The following SYNE1 variants were observed in gnomAD, a reference collection of about 807,000 sequenced individuals.
The protein encoded by SYNE1 is spectrin repeat containing nuclear envelope protein 1, also known as nesprin-1.
SYNE1 carries 616 observed loss-of-function variants against 1,111.0 expected under a neutral mutation model. That is an observed-to-expected ratio of 0.55 (90% confidence interval 0.52 to 0.59). The LOEUF (loss-of-function observed/expected upper bound fraction) is 0.59. SYNE1 is among the 20% of genes least tolerant of loss of function. The probability of loss-of-function intolerance (pLI) is 0.00; values close to 1 mark genes in which losing one functional copy is unlikely to be tolerated. For synonymous variants in SYNE1, 3,855 were observed against 3,825.8 expected, an observed-to-expected ratio of 1.01 and a Z score of -0.28; for missense variants, 10,006 against 10,417.0, an observed-to-expected ratio of 0.96 and a Z score of 1.72.
intron 122 of SYNE1, 108 bp downstream of exon 122, chr6:152,214,798 T>TCAACATTTCTGTTCTTTATAAATTA: frequency 6.8e-7 from 1 of 1,462,192 alleles, no homozygotes; most frequent in Non-Finnish European, 9.5e-7. Flanking sequence ...GTGAGACTGT[T>TCAACATTTCTGTTCTTTATAAATTA]CAACATTTCT....
chr6:152,323,177 G>A (rs965760431), intron 82 of SYNE1, among the ~76,000 whole-genome samples: 1 of 152,174 alleles, frequency 6.6e-6, no homozygotes, highest in African/African-American at 2.4e-5. Context: ...GGGGCCGGGC[G>A]CGGTGGCTCA....
At chr6:152,219,961 G>C (rs141424708) in intron 119 of SYNE1, among the ~76,000 whole-genome samples, 5 of 152,360 alleles carry the variant, frequency 3.3e-5, no homozygotes, top group African/African-American at 1.2e-4. Flanking sequence ...ACTTCTGTGA[G>C]AGAAAGAAGA....
chr6:152,466,928 A>G (rs2098772893), intron 16 of SYNE1, among the ~76,000 whole-genome samples: 1 of 152,154 alleles, frequency 6.6e-6, no homozygotes, highest in South Asian at 2.1e-4. Flanking sequence ...ACGGTCATAA[A>G]TACAAAATTA....
intron 89 of SYNE1, 96 bp downstream of exon 89, chr6:152,310,300 T>C (rs1054553031): frequency 6.5e-7 from 1 of 1,528,550 alleles, no homozygotes. Context: ...TTAAAAAAAA[T>C]AAAACAGTGT....
Position 152,331,878 on chromosome 6 carries a change from C to G in SYNE1, c.12807G>C (p.Glu4269Asp), listed in dbSNP as rs1240745949. The change falls in exon 78 of 146, where the codon GAG becomes GAC. Residue 4269 changes from glutamate (E) to aspartate (D), a missense_variant. Transcript: ENST00000367255. ...AAGCTTCCAGGTGGACAGCTGTACT[C>G]TCTGCATCAGATCTGAAAATACATG... ...EWDNLARSDAESTAVHLEALK... is the reference protein window; with the variant it reads ...EWDNLARSDADSTAVHLEALK... 6.2e-7 allele frequency: 1 copy of G among 1,612,086 alleles called. No homozygotes were observed.
At chr6:152,614,575 C>T (rs981831461) in intron 3 of SYNE1, among the ~76,000 whole-genome samples, 3 of 152,082 alleles carry the variant, frequency 2.0e-5, no homozygotes, top group Admixed American at 6.6e-5. Flanking sequence ...GACAATGTGG[C>T]GATTCCTCAA....
Position 152,358,644 on chromosome 6 carries a change from A to C in SYNE1, c.10444-107T>G, listed in dbSNP as rs2096880098. On this transcript the variant is annotated intron_variant, in intron 65 of 145. Transcript: ENST00000367255. The stretch of plus-strand genomic sequence containing the variant: ...TTTAGAAAAGTATAATTATTGAGAC[A>C]TTAGAATATGAGTTATTTCCTAGAA... The C allele has an allele frequency of 1.3e-5, 14 of 1,058,678 alleles. No individual in the cohort carries two copies. In the South Asian group the frequency reaches 2.0e-4, roughly 15 times the overall value. 65.6% of individuals were successfully genotyped at this position (1,058,678 alleles called of 1,614,324 possible). A position where few individuals can be genotyped will look rare whatever the true frequency, so the allele number is the denominator to read the frequency against.
chr6:152,148,039 T>C lies in SYNE1; in HGVS notation c.24976+6A>G. 6.2e-7 allele frequency: 1 copy of C among 1,613,364 alleles called. No homozygotes were observed. Among genetic ancestry groups the C allele is most frequent in the Non-Finnish European group, 8.5e-7 (1 of 1,179,706 alleles). On this transcript the variant is annotated splice_donor_region_variant and intron_variant, in intron 137 of 145. Coordinates refer to ENST00000367255, the MANE Select transcript of SYNE1 (RefSeq NM_182961.4). This position sits in a 1 kb window ranked among gnomAD's most constrained non-coding sequence, Gnocchi z 4.1. ...AAGCTGGCAAACTGGAGAGGCTCTT[T>C]CCTACCTGATAAGCCAACAGCTCCC...
At chr6:152,572,327 G>T (rs2099465921) in intron 3 of SYNE1, among the ~76,000 whole-genome samples, 1 of 152,110 alleles carries the variant, frequency 6.6e-6, no homozygotes, top group Non-Finnish European at 1.5e-5. Flanking sequence ...TTAAAGGAGG[G>T]TCCATTAATT....
chr6:152,133,309 C>T lies in SYNE1; in HGVS notation c.25968G>A (p.Leu8656=). The T allele has an allele frequency of 1.2e-6, 2 of 1,614,150 alleles. No homozygotes were observed. The highest frequency in any genetic ancestry group is 8.5e-7 in the Non-Finnish European group (1 of 1,180,034). ...LKEVSRHIKE[L]EKLLDVSSSQ... ...TACTTGACACGTCTAATAACTTCTC[C>T]AGTTCCTTGATATGACGACTGACCT... The change falls in exon 143 of 146, where the codon CTG becomes CTA. Residue 8656 remains leucine (L), a synonymous_variant. Transcript: ENST00000367255.
At chr6:152,290,608 C>A (rs1267648882) in intron 95 of SYNE1, among the ~76,000 whole-genome samples, 1 of 151,948 alleles carries the variant, frequency 6.6e-6, no homozygotes, top group African/African-American at 2.4e-5. Flanking sequence ...AAAGGCACAG[C>A]ATTCCACACA....
At chr6:152,364,641 G>A (rs1441469556) in intron 63 of SYNE1, among the ~76,000 whole-genome samples, 3 of 148,028 alleles carry the variant, frequency 2.0e-5, no homozygotes, top group African/African-American at 7.5e-5. Flanking sequence ...GGGGAAGGAA[G>A]GAAGAAAGGA....
intron 115 of SYNE1, among the ~76,000 whole-genome samples, chr6:152,228,086 C>T (rs917086740): frequency 6.6e-6 from 1 of 152,018 alleles, no homozygotes; most frequent in African/African-American, 2.4e-5. Flanking sequence ...ATCCAGTCAC[C>T]AATTTAAGTA....
chr6:152,169,209 A>G (rs976423020), intron 130 of SYNE1, among the ~76,000 whole-genome samples: 1 of 152,186 alleles, frequency 6.6e-6, no homozygotes, highest in African/African-American at 2.4e-5. Context: ...AAAACAAAGC[A>G]TCTGGTTCTG....
At chr6:152,240,213 C>A (rs9371245) in intron 107 of SYNE1, among the ~76,000 whole-genome samples, 100,705 of 152,040 alleles carry the variant, frequency 0.66, 34,007 homozygotes, top group East Asian at 0.88. Flanking sequence ...GAGGTAAGAA[C>A]GAAGGTGGGC....
At chr6:152,494,349 C>A (rs1027783354) in intron 11 of SYNE1, among the ~76,000 whole-genome samples, 6 of 152,138 alleles carry the variant, frequency 3.9e-5, no homozygotes, top group African/African-American at 9.7e-5. Context: ...ATTATTCCTG[C>A]TACCACACCT....
intron 102 of SYNE1, among the ~76,000 whole-genome samples, 177 bp from the exon 103 acceptor site, chr6:152,255,923 C>T (rs1187627454): frequency 6.6e-6 from 1 of 152,152 alleles, no homozygotes; most frequent in African/African-American, 2.4e-5. Flanking sequence ...TAGGGCAAAA[C>T]CCCATCTGTA....
chr6:152,310,664 T>A, intron 88 of SYNE1, 24 bp downstream of exon 88: 1 of 1,611,172 alleles, frequency 6.2e-7, no homozygotes, highest in Non-Finnish European at 8.5e-7. Flanking sequence ...TTTTTTTCTG[T>A]TTCTTTTTTT....
rs181423687 is a variant in SYNE1, at chr6:152,595,227, A to G, written c.67+33038T>C. On this transcript the variant is annotated intron_variant, in intron 3 of 145. Coordinates refer to ENST00000367255, the MANE Select transcript of SYNE1 (RefSeq NM_182961.4). ...TGTCATCTTTATGCTCCCAAATCAT[A>G]AACACATATCCTCACCCTTGAACTC... is the stretch of plus-strand genomic sequence containing the variant. Among the ~76,000 whole-genome samples, 53 of 152,326 alleles carry G rather than the reference A, an allele frequency of 3.5e-4. 1 individual carries two copies. The East Asian group carries it at 8.7e-3, about 25-fold the overall frequency.
Sources: gnomAD v4.1 joint callset for allele counts (sites outside exome capture counted in the v4.1 genomes callset) on GRCh38, gnomAD v4.1.1 for gene constraint, Gnocchi (gnomAD v3.1) non-coding constraint, MANE v1.5 for transcripts, NCBI Gene and HGNC (gene_info 2026-07-23, HGNC 2026-07-21) for gene names.